Variants in ROBO2 observed in about 807,000 individuals in gnomAD.
ROBO2 encodes the protein roundabout guidance receptor 2.
ROBO2 carries 53 observed loss-of-function variants against 160.8 expected under a neutral mutation model. That is an observed-to-expected ratio of 0.33 (90% confidence interval 0.26 to 0.41). The LOEUF (loss-of-function observed/expected upper bound fraction) is 0.41, where lower values mean the gene tolerates loss of function less well. Among genes scored for constraint, ROBO2 ranks in the 10% least tolerant of loss-of-function variants. The pLI, the probability that ROBO2 is intolerant of heterozygous loss-of-function variation, is 1.00. For synonymous variants in ROBO2, 664 were observed against 611.7 expected (o/e 1.09, Z -1.26); for missense variants, 1,577 against 1,722.4 (o/e 0.92, Z 1.49).
At chr3:77,493,446 C>T in intron 5 of ROBO2, 64 bp downstream of exon 5, 4 of 1,553,210 alleles carry the variant, frequency 2.6e-6, no homozygotes, top group Middle Eastern at 1.7e-4. Context: ...AATAAAAGGA[C>T]AGCTACAATG....
At chr3:76,105,360 T>C in intron 2 of ROBO2, among the ~76,000 whole-genome samples, 1 of 152,162 alleles carries the variant, frequency 6.6e-6, no homozygotes, top group East Asian at 1.9e-4. Context: ...CAAATTCTTG[T>C]ATACCTAATA....
chr3:76,598,454 C>A (rs191017677), intron 2 of ROBO2, among the ~76,000 whole-genome samples: 2 of 151,962 alleles, frequency 1.3e-5, no homozygotes, highest in Non-Finnish European at 2.9e-5. Flanking sequence ...TGGATTAATG[C>A]AGGTAAAATG....
At chr3:77,028,417 A>G (rs1298968143) in intron 2 of ROBO2, among the ~76,000 whole-genome samples, 1 of 152,096 alleles carries the variant, frequency 6.6e-6, no homozygotes, top group Non-Finnish European at 1.5e-5. Context: ...AAACTTAACA[A>G]AACTATCTGA....
chr3:77,397,522 T>A (rs149439964), intron 2 of ROBO2, among the ~76,000 whole-genome samples: 1 of 152,236 alleles, frequency 6.6e-6, no homozygotes, highest in East Asian at 1.9e-4. Flanking sequence ...GCCTTGTAAG[T>A]GTGAATGCGA....
At chr3:76,762,617 C>T (rs2108394177) in intron 2 of ROBO2, among the ~76,000 whole-genome samples, 1 of 151,718 alleles carries the variant, frequency 6.6e-6, no homozygotes, top group African/African-American at 2.4e-5. Context: ...GACAGAGGAA[C>T]ATTTTCTCAG....
chr3:76,503,667 A>T (rs1384254223), intron 2 of ROBO2, among the ~76,000 whole-genome samples: 1 of 152,336 alleles, frequency 6.6e-6, no homozygotes, highest in African/African-American at 2.4e-5. Context: ...AACCTGGAAC[A>T]TATTATGTTA....
At chr3:75,957,494 G>A (rs1003781986) in intron 2 of ROBO2, among the ~76,000 whole-genome samples, 1 of 150,280 alleles carries the variant, frequency 6.7e-6, no homozygotes, top group Non-Finnish European at 1.5e-5. Context: ...CCCGCATATA[G>A]TTTAGTTTTT....
chr3:75,935,544 A>G (rs1947734992), intron 1 of ROBO2, among the ~76,000 whole-genome samples: 1 of 152,102 alleles, frequency 6.6e-6, no homozygotes, highest in Admixed American at 6.6e-5. Flanking sequence ...TGTAATTCCA[A>G]ATCCAGATAT....
chr3:77,439,609 G>T (rs766525950), intron 2 of ROBO2, among the ~76,000 whole-genome samples: 2 of 152,046 alleles, frequency 1.3e-5, no homozygotes, highest in Non-Finnish European at 2.9e-5. Flanking sequence ...AAGTATGAAG[G>T]GTTCCTTGTA....
At chr3:76,022,223 C>A (rs1337058155) in intron 2 of ROBO2, among the ~76,000 whole-genome samples, 3 of 151,776 alleles carry the variant, frequency 2.0e-5, no homozygotes, top group Non-Finnish European at 4.4e-5. Flanking sequence ...GTTTCCACCA[C>A]ATCTGCATTT....
chr3:76,997,075 T>C lies in ROBO2; in HGVS notation c.110-100939T>C, dbSNP rs186388591. The stretch of plus-strand genomic sequence containing the variant: ...TCTGCTTATTCTGAGATAAATTATT[T>C]CAGTATTTTAAAATCCCATAGTTAT... On this transcript the variant is annotated intron_variant, in intron 2 of 26. Coordinates refer to the ROBO2 transcript ENST00000487694. Among the ~76,000 whole-genome samples the C allele has an allele frequency of 1.4e-3, 212 of 152,312 alleles. 2 individuals are homozygous for C. The highest frequency in any genetic ancestry group is 4.7e-3 in the African/African-American group (197 of 41,586).
chr3:76,190,358 A>G (rs1167171818), intron 2 of ROBO2, among the ~76,000 whole-genome samples: 1 of 152,132 alleles, frequency 6.6e-6, no homozygotes, highest in African/African-American at 2.4e-5. Flanking sequence ...TTGGAAACTA[A>G]TAAAATCTTA....
At position 76,459,830 on chromosome 3, in the gene ROBO2, T is replaced by C. The variant is rs1257437246; in HGVS notation, c.109+522228T>C. Among the ~76,000 whole-genome samples, 3 of 152,264 alleles carry C rather than the reference T, an allele frequency of 2.0e-5. No individual in the cohort carries two copies. The South Asian group carries it at 6.2e-4, about 32-fold the overall frequency. On this transcript the variant is annotated intron_variant, in intron 2 of 26. Transcript: ENST00000487694. ...TTTTATTTTGAAGGCCTTTTTATCA[T>C]TCATTTCTATAAAAGGATCACTTAA...
chr3:76,011,757 G>A (rs997276882), intron 2 of ROBO2, among the ~76,000 whole-genome samples: 1 of 152,136 alleles, frequency 6.6e-6, no homozygotes, highest in Non-Finnish European at 1.5e-5. Flanking sequence ...TAGACATTAT[G>A]CTCCTCAATG....
intron 2 of ROBO2, among the ~76,000 whole-genome samples, chr3:76,301,201 C>G (rs1709338698): frequency 6.6e-6 from 1 of 152,020 alleles, no homozygotes; most frequent in African/African-American, 2.4e-5. Context: ...TCAAGAAATT[C>G]AGATTATTTA....
At chr3:76,711,509 A>T (rs1394685233) in intron 2 of ROBO2, among the ~76,000 whole-genome samples, 1 of 152,190 alleles carries the variant, frequency 6.6e-6, no homozygotes, top group Non-Finnish European at 1.5e-5. Flanking sequence ...TGGATAGACA[A>T]AGGGAAAGGT....
At chr3:76,741,261 A>T (rs1255859534) in intron 2 of ROBO2, among the ~76,000 whole-genome samples, 1 of 152,086 alleles carries the variant, frequency 6.6e-6, no homozygotes, top group East Asian at 1.9e-4. Flanking sequence ...TTAAAAATAT[A>T]AAAAGAAATT....
chr3:76,635,712 C>G (rs930614542), intron 2 of ROBO2, among the ~76,000 whole-genome samples: 1 of 152,162 alleles, frequency 6.6e-6, no homozygotes, highest in African/African-American at 2.4e-5. Flanking sequence ...ACCTCCAATG[C>G]GAGTGCAGAC....
At chr3:76,222,315 A>G (rs949618621) in intron 2 of ROBO2, among the ~76,000 whole-genome samples, 1 of 152,140 alleles carries the variant, frequency 6.6e-6, no homozygotes, top group East Asian at 1.9e-4. Flanking sequence ...GCAGGAGTGA[A>G]TGTTTATTTA....
Sources: allele counts gnomAD v4.1 joint callset (sites outside exome capture counted in the v4.1 genomes callset), GRCh38; gene constraint gnomAD v4.1.1; transcripts MANE v1.5; gene names NCBI Gene and HGNC (gene_info 2026-07-23, HGNC 2026-07-21).